UGT2B7: variants seen among roughly 807,000 people sequenced by gnomAD.
The protein encoded by UGT2B7 is UDP glucuronosyltransferase family 2 member B7, also known as UDP-glucuronosyltransferase 2B7.
In UGT2B7, 51 loss-of-function variants were observed where a neutral mutation model predicts 51.9. The observed-to-expected ratio is 0.98, with a 90% CI of 0.78 to 1.24. UGT2B7 has a LOEUF of 1.24. Ranked by LOEUF, UGT2B7 falls within the 50% of genes most tolerant of loss-of-function variation. The pLI is 0.00. For synonymous variants in UGT2B7, 225 were observed against 211.6 expected, an observed-to-expected ratio of 1.06 and a Z score of -0.55; for missense variants, 727 against 628.4, an observed-to-expected ratio of 1.16 and a Z score of -1.68.
chr4:69,090,956 T>C (rs1422509280), intron 2 of UGT2B7, among the ~76,000 whole-genome samples: 1 of 152,190 alleles, frequency 6.6e-6, no homozygotes, highest in African/African-American at 2.4e-5. Flanking sequence ...AAATTAACTG[T>C]CTTTTTTAAT....
chr4:69,112,836 CAAA>C lies in UGT2B7; in HGVS notation c.*111_*113del, dbSNP rs57075995. 4.4e-4 allele frequency: 459 copies of C among 1,054,640 alleles called. No individual in the cohort carries two copies. The highest frequency in any genetic ancestry group is 1.4e-3 in the South Asian group (41 of 30,142). 65.3% of individuals were successfully genotyped at this position (1,054,640 alleles called of 1,614,324 possible). On this transcript the variant is annotated 3_prime_UTR_variant, in exon 6 of 6. Coordinates refer to ENST00000305231, the MANE Select transcript of UGT2B7 (RefSeq NM_001074.4). ...ATGCAAGATTTCTTTCTTCCTGAGA[CAAA>C]AAAAAAAAAAGAAAAAAAAATCTTT...
chr4:69,112,901 A>G lies in UGT2B7; in HGVS notation c.*165A>G. The G allele has an allele frequency of 8.9e-7, 1 of 1,121,138 alleles. No homozygotes were observed. Among genetic ancestry groups the G allele is most frequent in the Non-Finnish European group, 1.2e-6 (1 of 832,152 alleles). 69.4% of individuals were successfully genotyped at this position (1,121,138 alleles called of 1,614,324 possible). A position where few individuals can be genotyped will look rare whatever the true frequency, so the allele number is the denominator to read the frequency against. ...TTTGTCAAATAAAAATTTGTTTTTC[A>G]GAGATTTACCACCCAGTTCATGGTT... On this transcript the variant is annotated 3_prime_UTR_variant, in exon 6 of 6. Transcript: ENST00000305231.
chr4:69,103,329 C>A (rs533812828), intron 3 of UGT2B7, among the ~76,000 whole-genome samples: 2 of 152,034 alleles, frequency 1.3e-5, no homozygotes, highest in Non-Finnish European at 2.9e-5. Context: ...CATCCACCGA[C>A]AGAAGTAATA....
chr4:69,103,434 G>A (rs1262657345), intron 3 of UGT2B7, among the ~76,000 whole-genome samples: 1 of 152,080 alleles, frequency 6.6e-6, no homozygotes, highest in Non-Finnish European at 1.5e-5. Context: ...TGGGAACTCA[G>A]TACTCCATAT....
chr4:69,109,887 T>C (rs1455549977), intron 5 of UGT2B7, among the ~76,000 whole-genome samples: 2 of 150,934 alleles, frequency 1.3e-5, no homozygotes, highest in East Asian at 2.0e-4. Context: ...AAATACTTTA[T>C]CACAAAAAAA....
intron 1 of UGT2B7, among the ~76,000 whole-genome samples, chr4:69,068,267 G>A (rs1388687756): frequency 6.6e-6 from 1 of 151,706 alleles, no homozygotes; most frequent in Non-Finnish European, 1.5e-5. Flanking sequence ...CTGATAATTT[G>A]TAAACAGCTA....
intron 1 of UGT2B7, among the ~76,000 whole-genome samples, chr4:69,072,033 C>T (rs1718612652): frequency 6.6e-6 from 1 of 152,142 alleles, no homozygotes; most frequent in Admixed American, 6.6e-5. Flanking sequence ...TTTGTCTATT[C>T]ATGAGCTATC....
Position 69,108,105 on chromosome 4 carries a change from C to T in UGT2B7, c.1093C>T (p.His365Tyr), listed in dbSNP as rs757844749. The part of the protein sequence containing the change: ...KWIPQNDLLG[H>Y]PKTRAFITHG... ...TGCTAAAATTCATCCAATCCTAGGT[C>T]ATCCAAAGACCAGAGCTTTTATAAC... Residue 365 changes from histidine to tyrosine, a missense_variant and splice_region_variant, in exon 5 of 6, where the codon CAT becomes TAT. Coordinates refer to ENST00000305231, the MANE Select transcript of UGT2B7 (RefSeq NM_001074.4). 1.9e-6 allele frequency: 3 copies of T among 1,613,398 alleles called. No individual in the cohort carries two copies. Among genetic ancestry groups the T allele is most frequent in the Non-Finnish European group, 2.5e-6 (3 of 1,179,524 alleles).
chr4:69,079,201 C>T (rs527255214), intron 1 of UGT2B7, among the ~76,000 whole-genome samples: 1 of 152,252 alleles, frequency 6.6e-6, no homozygotes, highest in East Asian at 1.9e-4. Context: ...CAGGGTGTTT[C>T]CTGGGACAAC....
rs1450038408 is a variant in UGT2B7 at position 69,097,143 on chromosome 4, T to C, written c.623T>C (p.Met208Thr). The C allele has an allele frequency of 1.7e-5, 28 of 1,613,462 alleles. No homozygotes were observed. Among genetic ancestry groups the C allele is most frequent in the African/African-American group, 4.0e-5 (3 of 74,898 alleles). ...MSELTDQMTFMERVKNMIYVL... is the reference protein window; with the variant it reads ...MSELTDQMTFTERVKNMIYVL... ...GAATTAACTGATCAAATGACTTTCA[T>C]GGAGAGGGTAAAAAATATGATCTAT... Residue 208 changes from methionine (M) to threonine (T), a missense_variant, in exon 1 of 6, where the codon ATG becomes ACG. By Grantham distance (81) the Met-to-Thr change is moderately conservative. Transcript: ENST00000305231.
At chr4:69,095,557 T>C (rs1719200630), upstream of UGT2B7, among the ~76,000 whole-genome samples, 1 of 152,212 alleles carries the variant, frequency 6.6e-6, no homozygotes, top group South Asian at 2.1e-4. Flanking sequence ...AGAGGAACTA[T>C]AGTCTTGTAA....
chr4:69,090,646 C>T (rs758005069), intron 2 of UGT2B7, among the ~76,000 whole-genome samples: 1 of 152,082 alleles, frequency 6.6e-6, no homozygotes, highest in Non-Finnish European at 1.5e-5. Flanking sequence ...TCAAGTCCCT[C>T]CTACAACATG....
At chr4:69,107,638 C>T (rs956755370) in intron 4 of UGT2B7, among the ~76,000 whole-genome samples, 3 of 152,096 alleles carry the variant, frequency 2.0e-5, no homozygotes, top group African/African-American at 7.2e-5. Flanking sequence ...ACCAGTGACT[C>T]TGTATTTTCT....
intron 1 of UGT2B7, among the ~76,000 whole-genome samples, chr4:69,069,255 T>C (rs534153239): frequency 2.6e-5 from 4 of 152,224 alleles, no homozygotes; most frequent in African/African-American, 9.6e-5. Context: ...GACATGTACC[T>C]GACCTTGTCA....
chr4:69,053,162 T>C (rs1293119612), intron 1 of UGT2B7, among the ~76,000 whole-genome samples: 2 of 152,172 alleles, frequency 1.3e-5, no homozygotes, highest in Admixed American at 6.5e-5. Context: ...GATAAATATG[T>C]CTTCAAGGTT....
At position 69,108,233 on chromosome 4, in the gene UGT2B7, G is replaced by A; in HGVS notation, c.1221G>A (p.Lys407=). Residue 407 remains lysine (K), a synonymous_variant, in exon 5 of 6, where the codon AAG becomes AAA. Transcript: ENST00000305231. ...ADQPDNIAHM[K]ARGAAVRVDF... ...AACCTGATAACATTGCTCACATGAA[G>A]GCCAGGGGAGCAGCTGTTAGAGTGG... 1.9e-6 allele frequency: 3 copies of A among 1,613,776 alleles called. No homozygotes were observed. Among genetic ancestry groups the A allele is most frequent in the Non-Finnish European group, 2.5e-6 (3 of 1,179,724 alleles).
At chr4:69,075,090 A>C (rs1718675266) in intron 1 of UGT2B7, among the ~76,000 whole-genome samples, 1 of 152,154 alleles carries the variant, frequency 6.6e-6, no homozygotes, top group Admixed American at 6.6e-5. Flanking sequence ...CACAATTTTT[A>C]GGATTTTATT....
intron 3 of UGT2B7, among the ~76,000 whole-genome samples, chr4:69,103,240 T>C (rs921025332): frequency 6.6e-6 from 1 of 152,152 alleles, no homozygotes; most frequent in Non-Finnish European, 1.5e-5. Flanking sequence ...GAATTGTGTA[T>C]GTGATCTACA....
chr4:69,077,439 T>G (rs1425135060), intron 1 of UGT2B7, among the ~76,000 whole-genome samples: 1 of 152,214 alleles, frequency 6.6e-6, no homozygotes, highest in African/African-American at 2.4e-5. Flanking sequence ...TTCCATTTAT[T>G]TGTGTCCTGT....
Sources: allele counts gnomAD v4.1 joint callset (sites outside exome capture counted in the v4.1 genomes callset), GRCh38; gene constraint gnomAD v4.1.1; transcripts MANE v1.5; gene names NCBI Gene and HGNC (gene_info 2026-07-23, HGNC 2026-07-21).